The following TNRC6A variants were observed in gnomAD, a reference collection of about 807,000 sequenced individuals.
TNRC6A encodes trinucleotide repeat-containing gene 6A protein.
In TNRC6A, 44 loss-of-function variants were observed where a neutral mutation model predicts 221.2. The observed-to-expected ratio is 0.20, with a 90% CI of 0.16 to 0.26. The LOEUF (loss-of-function observed/expected upper bound fraction) is 0.26. Among genes scored for constraint, TNRC6A ranks in the 10% least tolerant of loss-of-function variants. TNRC6A has a pLI of 1.00. For synonymous variants in TNRC6A, 847 were observed against 838.5 expected (o/e 1.01, Z -0.18); for missense variants, 2,199 against 2,404.4 (o/e 0.91, Z 1.79).
chr16:24,660,715 CTTTTTCT>C (rs770563540), intron 2 of TNRC6A, among the ~76,000 whole-genome samples: 2 of 119,232 alleles, frequency 1.7e-5, no homozygotes, highest in Non-Finnish European at 3.7e-5. Flanking sequence ...ATTCAGCTTT[CTTTTTCT>C]TTTTTCTTTT....
chr16:24,618,461 C>T (rs547592632), intron 1 of TNRC6A, among the ~76,000 whole-genome samples: 53 of 152,018 alleles, frequency 3.5e-4, no homozygotes, highest in African/African-American at 1.2e-3. Flanking sequence ...CCCATTTTAC[C>T]GGTGAAACAA....
At chr16:24,724,910 A>G (rs552653828), upstream of TNRC6A, among the ~76,000 whole-genome samples, 1 of 152,268 alleles carries the variant, frequency 6.6e-6, no homozygotes, top group East Asian at 1.9e-4. Flanking sequence ...CCTTGGGAGG[A>G]AAACAAAATC....
At chr16:24,765,048 CTT>C (rs1051512325) in intron 4 of TNRC6A, among the ~76,000 whole-genome samples, 2 of 152,110 alleles carry the variant, frequency 1.3e-5, no homozygotes, top group African/African-American at 4.8e-5. Flanking sequence ...TGGGGTAAGA[CTT>C]TGGAAAGTGA....
chr16:24,758,246 G>A (rs2057291973), intron 3 of TNRC6A, 93 bp from the exon 4 acceptor site: 9 of 1,248,698 alleles, frequency 7.2e-6, no homozygotes, highest in Admixed American at 1.9e-5. Flanking sequence ...AGGTGTATAT[G>A]TCTTATATTA....
chr16:24,822,193 A>G (rs745640735), intron 23 of TNRC6A, 46 bp downstream of exon 23: 1 of 1,591,966 alleles, frequency 6.3e-7, no homozygotes, highest in African/African-American at 1.3e-5. Flanking sequence ...GCCAGGGAGC[A>G]TGGGAACAGA....
At chr16:24,669,261 G>T (rs1178642115) in intron 2 of TNRC6A, among the ~76,000 whole-genome samples, 1 of 152,112 alleles carries the variant, frequency 6.6e-6, no homozygotes, top group Non-Finnish European at 1.5e-5. Context: ...CAGTTTGGGA[G>T]ACTGAGTTGG....
rs1292512729 is a variant in TNRC6A at position 24,790,846 on chromosome 16, A to T, written c.2204A>T (p.Asp735Val). The T allele has an allele frequency of 6.2e-7, 1 of 1,614,172 alleles. No individual in the cohort carries two copies. Among genetic ancestry groups the T allele is most frequent in the Non-Finnish European group, 8.5e-7 (1 of 1,180,040 alleles). The change falls in exon 6 of 25, where the codon GAT becomes GTT. Residue 735 changes from aspartate to valine, a missense_variant. Asp to Val is a radical substitution (Grantham distance 152). Coordinates refer to ENST00000395799, the MANE Select transcript of TNRC6A (RefSeq NM_014494.4). ...QTPIKQNTAW[D>V]TETSPRGERK... ...CCTATTAAGCAGAATACTGCCTGGGATACAGAAACATCACCTAGAGGGGAA... is the reference window on the plus strand; with the variant it reads ...CCTATTAAGCAGAATACTGCCTGGGTTACAGAAACATCACCTAGAGGGGAA...
chr16:24,742,480 G>A (rs893743168), intron 2 of TNRC6A, among the ~76,000 whole-genome samples: 1 of 152,106 alleles, frequency 6.6e-6, no homozygotes, highest in African/African-American at 2.4e-5. Context: ...CAGTGGTGTT[G>A]GTGTTACAGT....
At chr16:24,741,189 C>CG (rs2056884770) in intron 2 of TNRC6A, among the ~76,000 whole-genome samples, 1 of 152,112 alleles carries the variant, frequency 6.6e-6, no homozygotes, top group South Asian at 2.1e-4. Context: ...AGCTCAGTGT[C>CG]GAATAGGAAG....
intron 2 of TNRC6A, among the ~76,000 whole-genome samples, chr16:24,704,956 T>A (rs2056068031): frequency 6.6e-6 from 1 of 151,992 alleles, no homozygotes; most frequent in South Asian, 2.1e-4. Context: ...ATGGGCAACA[T>A]AACGAGACCC....
chr16:24,802,879 T>C (rs531573825), intron 11 of TNRC6A, among the ~76,000 whole-genome samples: 1 of 152,140 alleles, frequency 6.6e-6, no homozygotes, highest in African/African-American at 2.4e-5. Flanking sequence ...TGTCCACTTT[T>C]AAAAGATTTG....
chr16:24,652,274 G>A (rs569317188), intron 2 of TNRC6A, among the ~76,000 whole-genome samples: 2 of 152,294 alleles, frequency 1.3e-5, no homozygotes, highest in Admixed American at 6.5e-5. Flanking sequence ...CAATTAAGTA[G>A]AATTCACTGC....
In TNRC6A at chr16:24,823,064, G is replaced by T. The variant is rs767355072; in HGVS notation, c.5513+51G>T. 3.1e-6 allele frequency: 5 copies of T among 1,612,412 alleles called. No individual in the cohort carries two copies. The highest frequency in any genetic ancestry group is 4.2e-6 in the Non-Finnish European group (5 of 1,179,118). ...TGGAAGAGTCTAGGGGAAGGAGTGT[G>T]AGAGCACAGCCTGACCCGGGGCAGT... On this transcript the variant is annotated intron_variant, in intron 24 of 24. Transcript: ENST00000395799. The surrounding 1 kb of genome is among the most constrained non-coding windows in gnomAD (Gnocchi z 4.3).
At chr16:24,778,187 C>A in intron 5 of TNRC6A, 1 of 554,444 alleles carries the variant, frequency 1.8e-6, no homozygotes. Context: ...CCCCCATATC[C>A]CAGTGTGTGT....
At chr16:24,725,329 C>T (rs2056473706), upstream of TNRC6A, among the ~76,000 whole-genome samples, 1 of 152,158 alleles carries the variant, frequency 6.6e-6, no homozygotes, top group South Asian at 2.1e-4. Context: ...CACACCACCA[C>T]ACCTGGCTAA....
chr16:24,616,370 T>C (rs1900352513), intron 1 of TNRC6A, among the ~76,000 whole-genome samples: 1 of 149,250 alleles, frequency 6.7e-6, no homozygotes, highest in Non-Finnish European at 1.5e-5. Context: ...GAAAAGAAGA[T>C]TGTTTAAAAG....
intron 2 of TNRC6A, among the ~76,000 whole-genome samples, chr16:24,675,105 C>G (rs1041616169): frequency 1.3e-5 from 2 of 152,012 alleles, no homozygotes; most frequent in Non-Finnish European, 2.9e-5. Flanking sequence ...ATGATGACAC[C>G]GCTGCACTCC....
At chr16:24,621,507 G>A (rs1159256426) in intron 1 of TNRC6A, among the ~76,000 whole-genome samples, 2 of 151,610 alleles carry the variant, frequency 1.3e-5, no homozygotes, top group Non-Finnish European at 2.9e-5. Context: ...TCAGGCGTGC[G>A]GCACCACACC....
chr16:24,730,040 G>T (rs1037017346), intron 1 of TNRC6A, among the ~76,000 whole-genome samples, 194 bp downstream of exon 1: 23 of 148,196 alleles, frequency 1.6e-4, no homozygotes, highest in Non-Finnish European at 3.3e-4. Context: ...GCGCCGCGCC[G>T]CGGGGGCCAG....
Sources: gnomAD v4.1 joint callset for allele counts (sites outside exome capture counted in the v4.1 genomes callset) on GRCh38, gnomAD v4.1.1 for gene constraint, Gnocchi (gnomAD v3.1) non-coding constraint, MANE v1.5 for transcripts, NCBI Gene and HGNC (gene_info 2026-07-23, HGNC 2026-07-21) for gene names.